Variants in LRFN2 observed in about 807,000 individuals in gnomAD.
The protein encoded by LRFN2 is leucine rich repeat and fibronectin type III domain containing 2.
In LRFN2, 18 loss-of-function variants were observed where a neutral mutation model predicts 37.3. The ratio of observed to expected loss-of-function variants is 0.48; its 90% confidence interval spans 0.33 to 0.72. The LOEUF is 0.72. LRFN2 is among the 30% of genes least tolerant of loss of function. The pLI, the probability that LRFN2 is intolerant of heterozygous loss-of-function variation, is 0.02. For synonymous variants in LRFN2, 556 were observed against 466.6 expected (o/e 1.19, Z -2.47); for missense variants, 1,006 against 1,060.7 (o/e 0.95, Z 0.72).
chr6:40,544,475 T>A (rs1374446672), intron 1 of LRFN2, among the ~76,000 whole-genome samples: 1 of 152,188 alleles, frequency 6.6e-6, no homozygotes, highest in East Asian at 1.9e-4. Context: ...GTGCCTGTGT[T>A]CCCCTGCAGC....
At chr6:40,582,645 T>G (rs1484889080) in intron 1 of LRFN2, among the ~76,000 whole-genome samples, 1 of 151,090 alleles carries the variant, frequency 6.6e-6, no homozygotes, top group East Asian at 1.9e-4. Flanking sequence ...CATGGAAGCC[T>G]TGGGTCTTCT....
chr6:40,518,227 A>C (rs1690906479), intron 1 of LRFN2, among the ~76,000 whole-genome samples: 3 of 152,146 alleles, frequency 2.0e-5, no homozygotes, highest in Admixed American at 6.5e-5. Flanking sequence ...TGTACTAAGC[A>C]TTTTTCATGT....
intron 1 of LRFN2, among the ~76,000 whole-genome samples, chr6:40,570,848 T>C (rs981822665): frequency 2.6e-5 from 4 of 152,120 alleles, no homozygotes; most frequent in Non-Finnish European, 5.9e-5. Flanking sequence ...TCCCTCAGGG[T>C]GCTAGACATG....
chr6:40,477,727 A>G (rs1461421248), intron 1 of LRFN2, among the ~76,000 whole-genome samples: 1 of 152,080 alleles, frequency 6.6e-6, no homozygotes, highest in Non-Finnish European at 1.5e-5. Context: ...GTCTCCTCCT[A>G]GGAAAGAGAC....
chr6:40,477,834 T>C (rs1764741992), intron 1 of LRFN2, among the ~76,000 whole-genome samples: 3 of 152,024 alleles, frequency 2.0e-5, no homozygotes. Context: ...TGGTGAGTCA[T>C]CCGTGCCCCT....
intron 1 of LRFN2, among the ~76,000 whole-genome samples, chr6:40,440,254 AC>A (rs1173075331): frequency 2.6e-5 from 4 of 152,264 alleles, no homozygotes; most frequent in South Asian, 2.1e-4. Flanking sequence ...TAAGCTCAGA[AC>A]CACTTCCTCT....
chr6:40,392,448 G>A lies in LRFN2; in HGVS notation c.1865C>T (p.Ser622Phe), dbSNP rs758022878. 6 of 1,567,644 alleles carry A rather than the reference G, an allele frequency of 3.8e-6. No homozygotes were observed. The highest frequency in any genetic ancestry group is 4.3e-6 in the Non-Finnish European group (5 of 1,156,208). Residue 622 changes from serine to phenylalanine, a missense_variant, in exon 3 of 3, where the codon TCT (serine) becomes TTT (phenylalanine). By Grantham distance (155) the Ser-to-Phe change is radical. Around this residue, in one of 4 missense-constraint regions of LRFN2, gnomAD observed 398 missense variants for 327.6 expected, o/e 1.21. Coordinates refer to ENST00000338305, the MANE Select transcript of LRFN2 (RefSeq NM_020737.3). The surrounding 1 kb of genome is among the most constrained non-coding windows in gnomAD (Gnocchi z 4.7). ...CCCACTGCCCAGGGAGCTGGAGGAAGAGGAGTCACTGGCGCGGGCCAGGCT... is the reference window on the plus strand; with the variant it reads ...CCCACTGCCCAGGGAGCTGGAGGAAAAGGAGTCACTGGCGCGGGCCAGGCT... ...TASLARASDS[S>F]SSSSLGSGEA...
chr6:40,448,337 C>G (rs1055814048), intron 1 of LRFN2, among the ~76,000 whole-genome samples: 1 of 152,156 alleles, frequency 6.6e-6, no homozygotes, highest in African/African-American at 2.4e-5. Context: ...GACCCCACCT[C>G]TGGCAGCCTC....
At chr6:40,428,895 C>T (rs895815371) in intron 2 of LRFN2, among the ~76,000 whole-genome samples, 8 of 152,178 alleles carry the variant, frequency 5.3e-5, no homozygotes, top group African/African-American at 1.9e-4. Context: ...TAAACTTCCT[C>T]TTCCATTTTA....
intron 1 of LRFN2, among the ~76,000 whole-genome samples, chr6:40,547,103 A>G (rs1766677080): frequency 7.1e-6 from 1 of 141,256 alleles, no homozygotes; most frequent in Non-Finnish European, 1.6e-5. Context: ...AATAATGCAA[A>G]TCTTTTTTTT....
intron 1 of LRFN2, among the ~76,000 whole-genome samples, chr6:40,529,254 C>T (rs1766307135): frequency 6.6e-6 from 1 of 152,148 alleles, no homozygotes; most frequent in Non-Finnish European, 1.5e-5. Context: ...AGGACCTTTG[C>T]ATAACCCTGG....
In LRFN2 at chr6:40,421,677, G is replaced by A. The variant is rs77113608; in HGVS notation, c.1400+10037C>T. Among the ~76,000 whole-genome samples the A allele has an allele frequency of 2.8e-3, 425 of 152,124 alleles. 2 individuals are homozygous for A. Among genetic ancestry groups the A allele is most frequent in the East Asian group, 0.017 (88 of 5,174 alleles). ...TGTCAGTAATTCCAAAAGAGAGGAGGGTATAATGAGGCACATGTGGCTCCT... is the reference window on the plus strand; with the variant it reads ...TGTCAGTAATTCCAAAAGAGAGGAGAGTATAATGAGGCACATGTGGCTCCT... On this transcript the variant is annotated intron_variant, in intron 2 of 2. Transcript: ENST00000338305.
chr6:40,484,606 C>T (rs938405615), intron 1 of LRFN2, among the ~76,000 whole-genome samples: 4 of 152,194 alleles, frequency 2.6e-5, no homozygotes, highest in African/African-American at 4.8e-5. Context: ...GGTCTTGGCT[C>T]TCTGGAGCCA....
chr6:40,424,745 C>T (rs551460403), intron 2 of LRFN2, among the ~76,000 whole-genome samples: 122 of 152,292 alleles, frequency 8.0e-4, no homozygotes, highest in African/African-American at 2.9e-3. Flanking sequence ...AATCCAGACC[C>T]TCTTGGGAAA....
intron 1 of LRFN2, among the ~76,000 whole-genome samples, chr6:40,499,051 T>C (rs1765307124): frequency 6.6e-6 from 1 of 152,162 alleles, no homozygotes; most frequent in African/African-American, 2.4e-5. Flanking sequence ...TCCGAAGGCA[T>C]TTTTATGATG....
chr6:40,531,801 C>T (rs1766348117), intron 1 of LRFN2, among the ~76,000 whole-genome samples: 1 of 152,182 alleles, frequency 6.6e-6, no homozygotes, highest in Non-Finnish European at 1.5e-5. Flanking sequence ...AAATGTCCTT[C>T]CCTACAAGCC....
intron 2 of LRFN2, among the ~76,000 whole-genome samples, chr6:40,395,268 C>G (rs1762590781): frequency 6.6e-6 from 1 of 152,200 alleles, no homozygotes; most frequent in Non-Finnish European, 1.5e-5. Flanking sequence ...GCTGGGACTG[C>G]TAGTATGCAG....
At chr6:40,454,116 T>C (rs1378685765) in intron 1 of LRFN2, among the ~76,000 whole-genome samples, 1 of 152,208 alleles carries the variant, frequency 6.6e-6, no homozygotes, top group African/African-American at 2.4e-5. Context: ...ACATGCTCAA[T>C]CTTATGGATA....
intron 2 of LRFN2, among the ~76,000 whole-genome samples, chr6:40,401,174 A>AGCCTCCAGGAAGAGCCTATGG (rs141968686): frequency 0.26 from 39,940 of 151,396 alleles, 5,528 homozygotes; most frequent in Non-Finnish European, 0.3. Flanking sequence ...CCTGGTCCTC[A>AGCCTCCAGGAAGAGCCTATGG]GCCTCCAGGA....
Sources: allele counts gnomAD v4.1 joint callset (sites outside exome capture counted in the v4.1 genomes callset), GRCh38; gene constraint gnomAD v4.1.1; regional missense constraint gnomAD v4.1.1; non-coding constraint Gnocchi (gnomAD v3.1); transcripts MANE v1.5; gene names NCBI Gene and HGNC (gene_info 2026-07-23, HGNC 2026-07-21).